Variants in MTHFSD observed in about 807,000 individuals in gnomAD.
The protein encoded by MTHFSD is methenyltetrahydrofolate synthetase domain containing.
In MTHFSD, 37 loss-of-function variants were observed where a neutral mutation model predicts 31.1. The observed-to-expected ratio is 1.19, with a 90% confidence interval of 0.91 to 1.56. The LOEUF is 1.56. Among genes scored for constraint, MTHFSD ranks in the 40% most tolerant of loss-of-function variants. The probability of loss-of-function intolerance (pLI) is 0.00; values close to 1 mark genes in which losing one functional copy is unlikely to be tolerated. For missense variants in MTHFSD, 664 were observed against 510.1 expected, an observed-to-expected ratio of 1.30 and a Z score of -2.91; for synonymous variants, 221 against 206.9, an observed-to-expected ratio of 1.07 and a Z score of -0.59.
intron 2 of MTHFSD, chr16:86,552,355 A>T (rs1973289956): frequency 9.2e-6 from 13 of 1,418,238 alleles, no homozygotes; most frequent in Non-Finnish European, 1.2e-5. Flanking sequence ...ACTGCAGCCC[A>T]AGCAGCTCGG....
intron 4 of MTHFSD, 135 bp from the exon 5 acceptor site, chr16:86,546,784 T>C (rs1017812832): frequency 1.1e-5 from 8 of 722,684 alleles, no homozygotes; most frequent in African/African-American, 5.3e-5. Context: ...ACACCGGAGA[T>C]GTGGCGTTTC....
rs934459976 is a variant in MTHFSD at position 86,542,023 on chromosome 16, G to C, written c.555+78C>G. On this transcript the variant is annotated intron_variant, in intron 6 of 7. Transcript: ENST00000360900. The surrounding 1 kb of genome is among the most constrained non-coding windows in gnomAD (Gnocchi z 4.6). ...CGCCACACAGCATGGTTCAGAAGCA[G>C]ATGAGTCTCCTTCCCCACCCCCTGC... is the stretch of plus-strand genomic sequence containing the variant. 1 of 1,431,984 alleles carries C rather than the reference G, an allele frequency of 7.0e-7. No homozygotes were observed. The highest frequency in any genetic ancestry group is 2.3e-5 in the East Asian group (1 of 43,594). 88.7% of individuals were successfully genotyped at this position (1,431,984 alleles called of 1,614,324 possible).
intron 5 of MTHFSD, among the ~76,000 whole-genome samples, chr16:86,545,462 C>A (rs1158675366): frequency 1.3e-5 from 2 of 152,100 alleles, no homozygotes; most frequent in Non-Finnish European, 2.9e-5. Context: ...AAGAGGGGAC[C>A]TTTGCTGATT....
At chr16:86,536,132 G>A (rs1970657343) in intron 7 of MTHFSD, among the ~76,000 whole-genome samples, 1 of 152,240 alleles carries the variant, frequency 6.6e-6, no homozygotes, top group Non-Finnish European at 1.5e-5. Context: ...TGGGATGATA[G>A]GCGTGAGCCG....
Position 86,552,049 on chromosome 16 carries a change from C to A in MTHFSD, c.221G>T (p.Arg74Leu). ...VDPDKPLEGV[R>L]LLVLQSKKTL... ...TGGAATTACCTGCAGCACCAGCAGC[C>A]GAACGCCTTCCAGTGGTTTATCAGG... Residue 74 changes from arginine (R) to leucine (L), a missense_variant, in exon 3 of 8, where the codon CGG becomes CTG. Transcript: ENST00000360900. 1 of 1,614,158 alleles carries A rather than the reference C, an allele frequency of 6.2e-7. No homozygotes were observed. The highest frequency in any genetic ancestry group is 1.3e-5 in the African/African-American group (1 of 75,020).
chr16:86,543,358 C>T (rs760129793), intron 5 of MTHFSD, among the ~76,000 whole-genome samples: 1 of 152,156 alleles, frequency 6.6e-6, no homozygotes, highest in Non-Finnish European at 1.5e-5. Flanking sequence ...ATCCACCCTT[C>T]AGTTCAGCAA....
intron 3 of MTHFSD, among the ~76,000 whole-genome samples, chr16:86,549,362 T>C (rs1021527444): frequency 6.6e-6 from 1 of 152,254 alleles, no homozygotes; most frequent in Admixed American, 6.5e-5. Context: ...AAATCTTTCA[T>C]GTAAATAATA....
intron 4 of MTHFSD, chr16:86,547,406 C>G (rs28582386): frequency 3.0e-6 from 3 of 985,628 alleles, no homozygotes; most frequent in African/African-American, 3.5e-5. Flanking sequence ...GCGGTGGGAT[C>G]TGCCTGCAGT....
chr16:86,546,312 AG>A (rs1335926779), intron 5 of MTHFSD, among the ~76,000 whole-genome samples: 2 of 152,278 alleles, frequency 1.3e-5, no homozygotes, highest in Non-Finnish European at 2.9e-5. Flanking sequence ...CCACCTGAAC[AG>A]AGAGTTATCT....
At chr16:86,555,064 T>C (rs1973895414) in intron 1 of MTHFSD, 105 bp downstream of exon 1, 1 of 1,488,624 alleles carries the variant, frequency 6.7e-7, no homozygotes, top group South Asian at 1.3e-5. Context: ...TTCCGGTGAT[T>C]CTGCCCCATC....
In MTHFSD at chr16:86,532,203, A is replaced by ACAG; in HGVS notation, c.959_960insCTG (p.Ser320_Asp321insCys). On this transcript the variant is annotated inframe_insertion, in exon 8 of 8. Transcript: ENST00000360900. ...GTTCCCGCAGGGCTCTCTTCAGGTC[A>ACAG]CTCACACGGGCGTCCCCGGGGAGGT... is the stretch of plus-strand genomic sequence containing the variant. The ACAG allele has an allele frequency of 6.3e-7, 1 of 1,584,994 alleles. No homozygotes were observed. Among genetic ancestry groups the ACAG allele is most frequent in the Non-Finnish European group, 8.6e-7 (1 of 1,166,148 alleles).
chr16:86,534,142 A>T (rs1193402986), intron 7 of MTHFSD, among the ~76,000 whole-genome samples: 1 of 152,246 alleles, frequency 6.6e-6, no homozygotes, highest in Non-Finnish European at 1.5e-5. Flanking sequence ...TACAAAGGAA[A>T]ACAACTCATG....
At chr16:86,548,068 G>A in intron 4 of MTHFSD, 1 of 1,290,766 alleles carries the variant, frequency 7.7e-7, no homozygotes, top group Non-Finnish European at 1.0e-6. Context: ...AATGGAGCAT[G>A]TTTTGGAAAT....
At chr16:86,541,345 A>T (rs942655317) in intron 7 of MTHFSD, 6 of 759,800 alleles carry the variant, frequency 7.9e-6, no homozygotes, top group Middle Eastern at 2.9e-4. Context: ...AGATAACACC[A>T]GGCAGAGCTT....
chr16:86,543,727 G>A (rs780137889), intron 5 of MTHFSD, among the ~76,000 whole-genome samples: 10 of 152,166 alleles, frequency 6.6e-5, no homozygotes, highest in Non-Finnish European at 1.0e-4. Context: ...TAAGACAGGG[G>A]TTCCCAACTC....
chr16:86,548,904 T>C (rs116815572), intron 3 of MTHFSD, among the ~76,000 whole-genome samples: 185 of 152,282 alleles, frequency 1.2e-3, no homozygotes, highest in African/African-American at 4.4e-3. Flanking sequence ...TCTGACAAAA[T>C]CCCAACCTCA....
chr16:86,537,646 G>A (rs911407460), intron 7 of MTHFSD, among the ~76,000 whole-genome samples: 4 of 152,174 alleles, frequency 2.6e-5, no homozygotes, highest in South Asian at 2.1e-4. Flanking sequence ...TGTTTTATGC[G>A]GGATCTGAAA....
chr16:86,538,323 T>A (rs1971001141), intron 7 of MTHFSD, among the ~76,000 whole-genome samples: 1 of 151,800 alleles, frequency 6.6e-6, no homozygotes, highest in African/African-American at 2.4e-5. Context: ...GCTTCCAGGG[T>A]GGCGGCGGCA....
chr16:86,537,912 G>A (rs891349684), intron 7 of MTHFSD, among the ~76,000 whole-genome samples: 1 of 152,250 alleles, frequency 6.6e-6, no homozygotes, highest in African/African-American at 2.4e-5. Flanking sequence ...AAAGTCAGAT[G>A]CACGGGCCTT....
Sources: gnomAD v4.1 joint callset for allele counts (sites outside exome capture counted in the v4.1 genomes callset) on GRCh38, gnomAD v4.1.1 for gene constraint, Gnocchi (gnomAD v3.1) non-coding constraint, MANE v1.5 for transcripts, NCBI Gene and HGNC (gene_info 2026-07-23, HGNC 2026-07-21) for gene names.